The following UTRN variants were observed in gnomAD, a reference collection of about 807,000 sequenced individuals.
The protein encoded by UTRN is utrophin, also known as dystrophin-related protein 1.
A neutral mutation model predicts 463.9 loss-of-function variants in UTRN; 283 were observed. The observed-to-expected ratio is 0.61, with a 90% CI of 0.55 to 0.67. The LOEUF is 0.67. Ranked by LOEUF, UTRN falls within the 30% of genes least tolerant of loss-of-function variation. The pLI, the probability that UTRN is intolerant of heterozygous loss-of-function variation, is 0.00. For missense variants in UTRN, 3,922 were observed against 4,084.3 expected (o/e 0.96, Z 1.08); for synonymous variants, 1,442 against 1,431.5 (o/e 1.01, Z -0.17).
rs114446475 is a variant in UTRN at position 144,648,290 on chromosome 6, G to A, written c.7480-30116G>A. Among the ~76,000 whole-genome samples, 495 of 152,280 alleles carry A rather than the reference G, an allele frequency of 3.3e-3. 3 individuals are homozygous for A. Among genetic ancestry groups the A allele is most frequent in the African/African-American group, 0.011 (464 of 41,562 alleles). ...TTTTTCAATTATAGTGCAAGGACGA[G>A]CAGTTTACCCTAATATCCATTTCTT... On this transcript the variant is annotated intron_variant, in intron 51 of 74. Transcript: ENST00000367545.
intron 18 of UTRN, among the ~76,000 whole-genome samples, chr6:144,451,767 C>G (rs1379861110): frequency 1.3e-5 from 2 of 151,714 alleles, no homozygotes; most frequent in African/African-American, 4.8e-5. Flanking sequence ...AGTGGTACTA[C>G]TTTTTAGTTA....
At chr6:144,628,837 T>C (rs1776214598) in intron 51 of UTRN, among the ~76,000 whole-genome samples, 1 of 152,114 alleles carries the variant, frequency 6.6e-6, no homozygotes, top group African/African-American at 2.4e-5. Context: ...ACATTGGTCA[T>C]TGTTACAGAG....
At chr6:144,404,113 C>T (rs1285522810) in intron 3 of UTRN, among the ~76,000 whole-genome samples, 1 of 152,132 alleles carries the variant, frequency 6.6e-6, no homozygotes. Context: ...TTAAAAAATG[C>T]TCCACGTCCC....
chr6:144,569,566 A>G (rs1800745773), intron 50 of UTRN, among the ~76,000 whole-genome samples: 1 of 152,206 alleles, frequency 6.6e-6, no homozygotes, highest in Non-Finnish European at 1.5e-5. Context: ...TTGCTGCAAT[A>G]TGGAGATGTT....
intron 36 of UTRN, 115 bp downstream of exon 36, chr6:144,514,152 A>G (rs1317455321): frequency 7.3e-7 from 1 of 1,376,258 alleles, no homozygotes; most frequent in Non-Finnish European, 9.9e-7. Context: ...CATTAGATTC[A>G]TTAACATTTA....
chr6:144,338,025 A>G (rs1039551725), intron 2 of UTRN, among the ~76,000 whole-genome samples: 1 of 152,226 alleles, frequency 6.6e-6, no homozygotes, highest in Admixed American at 6.5e-5. Flanking sequence ...ATATGGAAAC[A>G]AAGGCATGAT....
At chr6:144,517,496 A>G (rs1795728006) in intron 39 of UTRN, among the ~76,000 whole-genome samples, 1 of 151,938 alleles carries the variant, frequency 6.6e-6, no homozygotes, top group Non-Finnish European at 1.5e-5. Context: ...CACCATATCC[A>G]GCTCCAGCTC....
chr6:144,720,275 A>T (rs1392282591), intron 53 of UTRN, among the ~76,000 whole-genome samples: 4 of 152,212 alleles, frequency 2.6e-5, no homozygotes, highest in African/African-American at 9.7e-5. Context: ...TTATCTTTTA[A>T]TCTCTTGTCT....
At chr6:144,796,756 GA>G (rs947715643) in intron 63 of UTRN, among the ~76,000 whole-genome samples, 9 of 151,624 alleles carry the variant, frequency 5.9e-5, no homozygotes, top group Non-Finnish European at 8.8e-5. Context: ...CATTGCTAGG[GA>G]AAAAAAAGGC....
At chr6:144,732,255 TATACACAC>T (rs1562832774) in intron 54 of UTRN, among the ~76,000 whole-genome samples, 9 of 100,004 alleles carry the variant, frequency 9.0e-5, no homozygotes, top group African/African-American at 2.9e-4. Context: ...TATATATATA[TATACACAC>T]ATATATATAT....
chr6:144,839,125 T>C (rs750507682), intron 71 of UTRN, 48 bp from the exon 72 acceptor site: 1 of 1,450,412 alleles, frequency 6.9e-7, no homozygotes, highest in Non-Finnish European at 9.7e-7. Flanking sequence ...TTTTTCCTTA[T>C]GATTATTTGA....
chr6:144,735,916 G>GA (rs150094560), intron 54 of UTRN, among the ~76,000 whole-genome samples: 25 of 147,626 alleles, frequency 1.7e-4, no homozygotes, highest in African/African-American at 2.2e-4. Flanking sequence ...AAGATACACA[G>GA]AAAAAAAAAA....
intron 50 of UTRN, among the ~76,000 whole-genome samples, chr6:144,569,682 C>T (rs539965828): frequency 7.2e-5 from 11 of 152,178 alleles, no homozygotes; most frequent in African/African-American, 2.6e-4. Flanking sequence ...TTTAAACAGG[C>T]AAGAAAACAA....
At chr6:144,573,025 C>T (rs145936531) in intron 50 of UTRN, among the ~76,000 whole-genome samples, 233 of 152,306 alleles carry the variant, frequency 1.5e-3, no homozygotes, top group African/African-American at 5.2e-3. Flanking sequence ...AGTGTAAAAG[C>T]ATTCCTATTT....
At chr6:144,765,167 C>A (rs1213386691) in intron 58 of UTRN, among the ~76,000 whole-genome samples, 1 of 152,174 alleles carries the variant, frequency 6.6e-6, no homozygotes, top group Non-Finnish European at 1.5e-5. Context: ...ATTTAGTACC[C>A]TCAAGACAAT....
chr6:144,455,847 A>C (rs533943868), intron 19 of UTRN, among the ~76,000 whole-genome samples: 2 of 152,278 alleles, frequency 1.3e-5, no homozygotes, highest in Admixed American at 6.5e-5. Flanking sequence ...TGGTCCATAA[A>C]ATTCTACCAT....
intron 54 of UTRN, among the ~76,000 whole-genome samples, chr6:144,735,600 TAAG>T (rs1200590301): frequency 2.0e-5 from 3 of 152,172 alleles, no homozygotes; most frequent in Non-Finnish European, 2.9e-5. Flanking sequence ...GGGAAAAAAA[TAAG>T]AAGTTCACTT....
chr6:144,421,882 G>T lies in UTRN; in HGVS notation c.146G>T (p.Gly49Val). Residue 49 changes from glycine to valine, a missense_variant, in exon 4 of 75, where the codon GGG (glycine) becomes GTG (valine). Physicochemically the swap from Gly to Val is moderately radical, Grantham distance 109. Transcript: ENST00000367545. The stretch of plus-strand genomic sequence containing the variant: ...ATTTGTGTTTTTCTTTTACAGAGTG[G>T]GAAACCACCCATCAATGATATGTTC... ...KWINARFSKS[G>V]KPPINDMFTD... The T allele has an allele frequency of 6.2e-7, 1 of 1,610,346 alleles. No individual in the cohort carries two copies. Among genetic ancestry groups the T allele is most frequent in the Non-Finnish European group, 8.5e-7 (1 of 1,178,326 alleles).
chr6:144,304,965 C>T (rs1407419566), intron 2 of UTRN, among the ~76,000 whole-genome samples: 2 of 148,274 alleles, frequency 1.3e-5, no homozygotes, highest in East Asian at 3.9e-4. Context: ...GAGTTTCACT[C>T]TTGTTGCCCA....
Sources: gnomAD v4.1 joint callset for allele counts (sites outside exome capture counted in the v4.1 genomes callset) on GRCh38, gnomAD v4.1.1 for gene constraint, MANE v1.5 for transcripts, NCBI Gene and HGNC (gene_info 2026-07-23, HGNC 2026-07-21) for gene names.